UGT1A10: variants seen among roughly 807,000 people sequenced by gnomAD.
The protein encoded by UGT1A10 is UDP glucuronosyltransferase family 1 member A10.
A neutral mutation model predicts 45.8 loss-of-function variants in UGT1A10; 49 were observed. The ratio of observed to expected loss-of-function variants is 1.07; its 90% CI spans 0.85 to 1.36. UGT1A10 has a LOEUF of 1.36. Ranked by LOEUF, UGT1A10 falls within the 40% of genes most tolerant of loss-of-function variation. The pLI, the probability that UGT1A10 is intolerant of heterozygous loss-of-function variation, is 0.00. For synonymous variants in UGT1A10, 284 were observed against 249.7 expected (o/e 1.14, Z -1.29); for missense variants, 745 against 668.6 (o/e 1.11, Z -1.26).
At chr2:233,709,749 A>T (rs2076089896) in intron 1 of UGT1A10, among the ~76,000 whole-genome samples, 1 of 152,214 alleles carries the variant, frequency 6.6e-6, no homozygotes, top group African/African-American at 2.4e-5. Flanking sequence ...TAAAATAAAC[A>T]TTATTGGAGT....
chr2:233,756,339 T>G (rs1013422836), intron 1 of UGT1A10: 3 of 152,244 alleles, frequency 2.0e-5, no homozygotes, highest in Non-Finnish European at 4.4e-5. Context: ...TAGTCATCTC[T>G]TGATTACTTT....
chr2:233,761,574 C>T (rs1697805225), intron 1 of UGT1A10, among the ~76,000 whole-genome samples: 1 of 152,176 alleles, frequency 6.6e-6, no homozygotes, highest in Admixed American at 6.5e-5. Flanking sequence ...TGAAAGTTGC[C>T]TTTGTGACCC....
intron 1 of UGT1A10, among the ~76,000 whole-genome samples, chr2:233,723,530 T>TC (rs1471912682): frequency 8.7e-6 from 1 of 114,776 alleles, no homozygotes; most frequent in African/African-American, 3.5e-5. Context: ...TTTTTTTTTT[T>TC]TTTTTTAATT....
At chr2:233,693,537 T>C (rs559606091) in intron 1 of UGT1A10, 4 of 1,614,218 alleles carry the variant, frequency 2.5e-6, no homozygotes, top group South Asian at 2.2e-5. Context: ...CCGTGTTCCC[T>C]GGAGCATACA....
intron 1 of UGT1A10, among the ~76,000 whole-genome samples, chr2:233,736,821 G>A (rs1368702103): frequency 6.6e-6 from 1 of 152,198 alleles, no homozygotes; most frequent in Non-Finnish European, 1.5e-5. Flanking sequence ...CACTCCAGAT[G>A]CTCTTTGCTT....
At chr2:233,699,496 T>A (rs1207388053) in intron 1 of UGT1A10, among the ~76,000 whole-genome samples, 1 of 152,174 alleles carries the variant, frequency 6.6e-6, no homozygotes, top group Admixed American at 6.5e-5. Flanking sequence ...CTACTTGTAA[T>A]ACAAAGAACT....
At chr2:233,655,711 G>A (rs1290760128) in intron 1 of UGT1A10, among the ~76,000 whole-genome samples, 2 of 152,314 alleles carry the variant, frequency 1.3e-5, no homozygotes, top group East Asian at 3.9e-4. Flanking sequence ...TCTGGCCTCA[G>A]GGTGCCTGTC....
In UGT1A10 at chr2:233,767,858, C is replaced by T. The variant is rs139607673; in HGVS notation, c.997C>T (p.Arg333Trp). 6.2e-6 allele frequency: 10 copies of T among 1,614,002 alleles called. No homozygotes were observed. Among genetic ancestry groups the T allele is most frequent in the Admixed American group, 3.3e-5 (2 of 59,992 alleles). ...TTTTTGCCCCTCCCAGGTCCTGTGG[C>T]GGTACACTGGAACCCGACCATCGAA... ...LGKIPQTVLWRYTGTRPSNLA... is the reference protein window; with the variant it reads ...LGKIPQTVLWWYTGTRPSNLA... The change falls in exon 3 of 5, where the codon CGG (arginine) becomes TGG (tryptophan). Residue 333 changes from arginine to tryptophan, a missense_variant. Transcript: ENST00000344644.
At chr2:233,761,312 C>T (rs1697739836) in intron 1 of UGT1A10, among the ~76,000 whole-genome samples, 2 of 152,232 alleles carry the variant, frequency 1.3e-5, no homozygotes, top group Non-Finnish European at 2.9e-5. Flanking sequence ...CTGTCTTTGG[C>T]ATCATCTTCT....
chr2:233,696,338 A>T (rs1470953222), intron 1 of UGT1A10, among the ~76,000 whole-genome samples: 1 of 152,104 alleles, frequency 6.6e-6, no homozygotes, highest in Non-Finnish European at 1.5e-5. Context: ...CCTTATACAG[A>T]TCTTTCACTT....
intron 1 of UGT1A10, chr2:233,648,919 A>C: frequency 7.3e-7 from 1 of 1,366,440 alleles, no homozygotes; most frequent in Non-Finnish European, 1.0e-6. Flanking sequence ...CCACACATCA[A>C]TTTGGTTGCT....
chr2:233,660,887 G>T (rs1304437512), intron 1 of UGT1A10, among the ~76,000 whole-genome samples: 1 of 152,054 alleles, frequency 6.6e-6, no homozygotes, highest in Non-Finnish European at 1.5e-5. Flanking sequence ...GTTATCTTGA[G>T]ATTTTTAAAG....
In UGT1A10 at chr2:233,673,930, C is replaced by T. The variant is rs543938287; in HGVS notation, c.855+36553C>T. Among the ~76,000 whole-genome samples the T allele has an allele frequency of 3.3e-5, 5 of 152,246 alleles. No individual in the cohort carries two copies. In the East Asian group the frequency reaches 9.6e-4, roughly 29 times the overall value. On this transcript the variant is annotated intron_variant, in intron 1 of 4. Coordinates refer to ENST00000344644, the MANE Select transcript of UGT1A10 (RefSeq NM_019075.4). ...TGCTGGAGCTTATACTTCCAAAGCACTATTGAGTAATATTGTGAGAGTAGC... is the reference window on the plus strand; with the variant it reads ...TGCTGGAGCTTATACTTCCAAAGCATTATTGAGTAATATTGTGAGAGTAGC...
intron 1 of UGT1A10, chr2:233,760,443 G>A (rs773136953): frequency 2.5e-6 from 4 of 1,614,132 alleles, no homozygotes; most frequent in Non-Finnish European, 1.7e-6. Context: ...AGCTGCAGCA[G>A]AGGGGACATG....
At chr2:233,759,575 A>C (rs1346908637) in intron 1 of UGT1A10, among the ~76,000 whole-genome samples, 4 of 151,412 alleles carry the variant, frequency 2.6e-5, no homozygotes, top group South Asian at 2.1e-4. Context: ...GTCATTCTCT[A>C]CCCCAGCACG....
chr2:233,658,709 T>C (rs2073905065), intron 1 of UGT1A10, among the ~76,000 whole-genome samples: 1 of 152,254 alleles, frequency 6.6e-6, no homozygotes, highest in Non-Finnish European at 1.5e-5. Flanking sequence ...TGACTATGGA[T>C]AGCCAACTCT....
chr2:233,742,137 G>A (rs1225241098), intron 1 of UGT1A10, among the ~76,000 whole-genome samples: 1 of 151,882 alleles, frequency 6.6e-6, no homozygotes, highest in Non-Finnish European at 1.5e-5. Context: ...CCCTAACCCA[G>A]CAGCGCTAGA....
intron 1 of UGT1A10, among the ~76,000 whole-genome samples, chr2:233,638,242 A>C (rs1056394707): frequency 6.6e-6 from 1 of 152,118 alleles, no homozygotes; most frequent in African/African-American, 2.4e-5. Context: ...TAAGCATTTT[A>C]TGTTTGTTTT....
chr2:233,743,680 G>A (rs555741522), intron 1 of UGT1A10: 52 of 1,367,218 alleles, frequency 3.8e-5, no homozygotes, highest in East Asian at 3.2e-4. Flanking sequence ...AGGGCCTGCC[G>A]CCTGTGCAGC....
Sources: allele counts gnomAD v4.1 joint callset (sites outside exome capture counted in the v4.1 genomes callset), GRCh38; gene constraint gnomAD v4.1.1; transcripts MANE v1.5; gene names NCBI Gene and HGNC (gene_info 2026-07-23, HGNC 2026-07-21).